Variants in CNTNAP2 observed in about 807,000 individuals in gnomAD.
CNTNAP2 encodes the protein contactin associated protein 2, also known as contactin-associated protein-like 2.
CNTNAP2 carries 98 observed loss-of-function variants against 155.2 expected under a neutral mutation model. That is an observed-to-expected ratio of 0.63 (90% confidence interval 0.54 to 0.75). The LOEUF (loss-of-function observed/expected upper bound fraction) is 0.75, where lower values mean the gene tolerates loss of function less well. Among genes scored for constraint, CNTNAP2 ranks in the 30% least tolerant of loss-of-function variants. The pLI is 0.00. For missense variants in CNTNAP2, 1,727 were observed against 1,688.1 expected (o/e 1.02, Z -0.40); for synonymous variants, 651 against 631.2 (o/e 1.03, Z -0.47).
At chr7:147,716,705 G>A (rs1796486082) in intron 13 of CNTNAP2, among the ~76,000 whole-genome samples, 1 of 152,066 alleles carries the variant, frequency 6.6e-6, no homozygotes, top group Non-Finnish European at 1.5e-5. Flanking sequence ...GATTTTTCAG[G>A]CTGCTGTTTG....
At chr7:147,371,844 A>T (rs1796354053) in intron 9 of CNTNAP2, among the ~76,000 whole-genome samples, 1 of 152,180 alleles carries the variant, frequency 6.6e-6, no homozygotes, top group Non-Finnish European at 1.5e-5. Context: ...AATAAAATAT[A>T]GTCATATATA....
At chr7:147,658,370 G>C (rs951879185) in intron 13 of CNTNAP2, among the ~76,000 whole-genome samples, 20 of 151,964 alleles carry the variant, frequency 1.3e-4, no homozygotes, top group Admixed American at 4.6e-4. Context: ...TCAATCACAA[G>C]CATAATCACA....
intron 13 of CNTNAP2, among the ~76,000 whole-genome samples, chr7:147,854,602 T>C (rs1156792153): frequency 1.3e-5 from 2 of 152,226 alleles, no homozygotes; most frequent in Non-Finnish European, 2.9e-5. Flanking sequence ...AGATATATAG[T>C]GCAGTCTAGC....
At chr7:146,769,750 T>C (rs534663146) in intron 1 of CNTNAP2, among the ~76,000 whole-genome samples, 1 of 152,328 alleles carries the variant, frequency 6.6e-6, no homozygotes, top group South Asian at 2.1e-4. Flanking sequence ...GCTCAGATAG[T>C]AAATAGTTTA....
At chr7:146,151,698 G>GTATATATATATATATATGTA (rs371723238) in intron 1 of CNTNAP2, among the ~76,000 whole-genome samples, 1 of 74,098 alleles carries the variant, frequency 1.3e-5, no homozygotes, top group South Asian at 4.7e-4. Flanking sequence ...ATATATATAT[G>GTATATATATATATATATGTA]TATATATATA....
intron 1 of CNTNAP2, among the ~76,000 whole-genome samples, chr7:146,555,306 CATTA>C (rs899577640): frequency 2.0e-5 from 3 of 152,180 alleles, no homozygotes; most frequent in Admixed American, 1.3e-4. Flanking sequence ...TTTAGATTAA[CATTA>C]ATTAAGTCAT....
At position 146,335,417 on chromosome 7, in the gene CNTNAP2, G is replaced by A. The variant is rs562820374; in HGVS notation, c.97+218444G>A. The stretch of plus-strand genomic sequence containing the variant: ...TCGAGATTCTTGCTATTGAGCTGAC[G>A]ACCAAATTCAGGCACTTGCAGAGTA... On this transcript the variant is annotated intron_variant, in intron 1 of 23. Coordinates refer to ENST00000361727, the MANE Select transcript of CNTNAP2 (RefSeq NM_014141.6). Among the ~76,000 whole-genome samples, 38 of 152,214 alleles carry A rather than the reference G, an allele frequency of 2.5e-4. 1 individual carries two copies. In the South Asian group the frequency reaches 6.0e-3, roughly 24 times the overall value.
At chr7:146,233,519 G>C (rs1283836379) in intron 1 of CNTNAP2, among the ~76,000 whole-genome samples, 2 of 151,596 alleles carry the variant, frequency 1.3e-5, no homozygotes, top group African/African-American at 4.9e-5. Flanking sequence ...CAATGTGCAC[G>C]TTAGTTACAT....
chr7:146,690,008 T>G (rs1356726716), intron 1 of CNTNAP2, among the ~76,000 whole-genome samples: 1 of 151,544 alleles, frequency 6.6e-6, no homozygotes, highest in Non-Finnish European at 1.5e-5. Flanking sequence ...TTTTTCAAAT[T>G]TATATATATC....
intron 8 of CNTNAP2, among the ~76,000 whole-genome samples, chr7:147,262,411 T>A (rs1021211698): frequency 4.6e-5 from 7 of 152,160 alleles, no homozygotes; most frequent in African/African-American, 1.7e-4. Flanking sequence ...AATAAGTATC[T>A]AAAACAGGGT....
chr7:147,762,757 A>G (rs1404410464), intron 13 of CNTNAP2, among the ~76,000 whole-genome samples: 1 of 148,202 alleles, frequency 6.7e-6, no homozygotes, highest in Non-Finnish European at 1.5e-5. Context: ...GGAAGGAGGA[A>G]GGAAGAAAAG....
intron 14 of CNTNAP2, among the ~76,000 whole-genome samples, chr7:147,935,614 T>C (rs1304822861): frequency 6.6e-6 from 1 of 152,228 alleles, no homozygotes; most frequent in African/African-American, 2.4e-5. Flanking sequence ...TTCAAGGTTA[T>C]AGATTAAATT....
chr7:148,411,598 C>G (rs1799840004), intron 23 of CNTNAP2, among the ~76,000 whole-genome samples: 1 of 151,970 alleles, frequency 6.6e-6, no homozygotes, highest in African/African-American at 2.4e-5. Context: ...GTTGGTTTGT[C>G]CTATCTAAAA....
intron 22 of CNTNAP2, among the ~76,000 whole-genome samples, chr7:148,400,106 A>G (rs1799550576): frequency 6.6e-6 from 1 of 152,180 alleles, no homozygotes. Context: ...TCTCCCCCAA[A>G]GGCATCTCAG....
intron 11 of CNTNAP2, among the ~76,000 whole-genome samples, chr7:147,542,362 A>G (rs1026614468): frequency 1.3e-5 from 2 of 152,064 alleles, no homozygotes; most frequent in Non-Finnish European, 2.9e-5. Flanking sequence ...ACTGGACAGC[A>G]GAAGTGACAT....
chr7:148,365,757 TG>T (rs1216150519), intron 21 of CNTNAP2, among the ~76,000 whole-genome samples: 2,884 of 76,336 alleles, frequency 0.038, 986 homozygotes, highest in Non-Finnish European at 0.07. Flanking sequence ...TATACATGTA[TG>T]TGTATACGTG....
At chr7:147,328,774 T>C (rs531264894) in intron 9 of CNTNAP2, among the ~76,000 whole-genome samples, 1 of 152,230 alleles carries the variant, frequency 6.6e-6, no homozygotes, top group East Asian at 1.9e-4. Flanking sequence ...ATAACTACTA[T>C]AATAAACCAG....
At chr7:146,994,356 T>C (rs373334086) in intron 3 of CNTNAP2, among the ~76,000 whole-genome samples, 7 of 152,148 alleles carry the variant, frequency 4.6e-5, no homozygotes, top group African/African-American at 1.7e-4. Flanking sequence ...ATTGTTCCTA[T>C]TTTGTGCATT....
At chr7:147,542,038 G>A (rs77000061) in intron 11 of CNTNAP2, among the ~76,000 whole-genome samples, 4,518 of 152,118 alleles carry the variant, frequency 0.03, 101 homozygotes, top group South Asian at 0.061. Context: ...AAATTCTAAG[G>A]GTGAGAAGAT....
Sources: allele counts gnomAD v4.1 joint callset (sites outside exome capture counted in the v4.1 genomes callset), GRCh38; gene constraint gnomAD v4.1.1; transcripts MANE v1.5; gene names NCBI Gene and HGNC (gene_info 2026-07-23, HGNC 2026-07-21).